Variants in SLC25A10 observed in about 807,000 individuals in gnomAD.
SLC25A10 encodes the protein mitochondrial dicarboxylate carrier.
In SLC25A10, 32 loss-of-function variants were observed where a neutral mutation model predicts 40.4. The ratio of observed to expected loss-of-function variants is 0.79; its 90% CI spans 0.60 to 1.06. SLC25A10 has a LOEUF of 1.06. SLC25A10 is among the 50% of genes least tolerant of loss of function. The pLI is 0.00. For missense variants in SLC25A10, 394 were observed against 402.6 expected (o/e 0.98, Z 0.18); for synonymous variants, 181 against 171.1 (o/e 1.06, Z -0.45).
chr17:81,713,568 G>C (rs2037424195), intron 1 of SLC25A10: 1 of 863,272 alleles, frequency 1.2e-6, no homozygotes, highest in Non-Finnish European at 1.4e-6. Context: ...GAGGCCTTCA[G>C]AGCTCCCAGG....
intron 1 of SLC25A10, among the ~76,000 whole-genome samples, chr17:81,712,987 G>T (rs965607157): frequency 2.0e-5 from 3 of 152,190 alleles, no homozygotes; most frequent in Non-Finnish European, 4.4e-5. Context: ...CCACCCAGGG[G>T]TGTTTAGCAC....
intron 9 of SLC25A10, 88 bp downstream of exon 9, chr17:81,717,949 C>A: frequency 1.0e-6 from 1 of 996,490 alleles, no homozygotes; most frequent in African/African-American, 1.6e-5. Flanking sequence ...CACTGGGGAC[C>A]CGGGGAAGGG....
intron 9 of SLC25A10, among the ~76,000 whole-genome samples, chr17:81,719,059 G>A (rs2037541348): frequency 6.7e-6 from 1 of 148,594 alleles, no homozygotes; most frequent in African/African-American, 2.5e-5. Context: ...AGCCTCCCAA[G>A]TAGCTGGGAT....
At chr17:81,719,933 CCCTTCGGGCT>C (rs1387496597) in intron 10 of SLC25A10, 33 bp from the exon 11 acceptor site, 1 of 1,613,480 alleles carries the variant, frequency 6.2e-7, no homozygotes, top group Admixed American at 1.7e-5. Context: ...GGGAGCGGGC[CCCTTCGGGCT>C]CTGTGTCTCT....
At chr17:81,713,146 C>T (rs535441178) in intron 1 of SLC25A10, 1 of 152,076 alleles carries the variant, frequency 6.6e-6, no homozygotes, top group African/African-American at 2.4e-5. Context: ...GCGTGTGGTC[C>T]TGGCCCTATG....
intron 9 of SLC25A10, 138 bp from the exon 10 acceptor site, chr17:81,719,693 G>T: frequency 9.8e-7 from 1 of 1,018,208 alleles, no homozygotes; most frequent in South Asian, 1.4e-5. Flanking sequence ...AGCAGCCGCC[G>T]CTCACACCCA....
Position 81,715,012 on chromosome 17 carries a change from G to A in SLC25A10, c.153G>A (p.Val51=), listed in dbSNP as rs372640352. ...KLRMTGMALR[V]VRTDGILALY... ...GCATGACGGGCATGGCGCTGCGGGT[G>A]GTGCGTACCGACGGCATCCTGGCAC... is the stretch of plus-strand genomic sequence containing the variant. The change falls in exon 2 of 11, where the codon GTG becomes GTA. Residue 51 remains valine (V), a synonymous_variant. Coordinates refer to ENST00000350690, the MANE Select transcript of SLC25A10 (RefSeq NM_012140.5). The A allele has an allele frequency of 6.3e-5, 102 of 1,609,982 alleles. No individual in the cohort carries two copies. Among genetic ancestry groups the A allele is most frequent in the Non-Finnish European group, 8.1e-5 (95 of 1,179,930 alleles).
intron 1 of SLC25A10, chr17:81,713,555 GGAGAGGCCTTCA>G: frequency 4.3e-6 from 4 of 941,004 alleles, no homozygotes; most frequent in Non-Finnish European, 5.1e-6. Flanking sequence ...ACTGGTCCTG[GGAGAGGCCTTCA>G]GAGCTCCCAG....
chr17:81,719,726 T>G, intron 9 of SLC25A10, 105 bp from the exon 10 acceptor site: 25 of 1,378,990 alleles, frequency 1.8e-5, no homozygotes, highest in South Asian at 2.4e-5. Flanking sequence ...CACCCCACAT[T>G]GAGAATGCCC....
chr17:81,713,521 G>T (rs1018693310), intron 1 of SLC25A10: 44 of 984,458 alleles, frequency 4.5e-5, no homozygotes, highest in Non-Finnish European at 4.9e-5. Flanking sequence ...GCAGATGTGG[G>T]CGTCTTGGGG....
rs2037402772 is a variant in SLC25A10 at position 81,712,527 on chromosome 17, C to G, written c.93+8C>G. ...CCGCTGGACCTGCTCAAGGTGAGGC[C>G]GGGGCCCGGGACGCGGGGCGGATGG... On this transcript the variant is annotated splice_region_variant and intron_variant, in intron 1 of 10. Transcript: ENST00000350690. 8.9e-6 allele frequency: 11 copies of G among 1,240,680 alleles called. No individual in the cohort carries two copies. The highest frequency in any genetic ancestry group is 1.1e-5 in the Non-Finnish European group (11 of 990,726). The allele number at this position is 1,240,680 out of a possible 1,614,324, so 76.9% of individuals were successfully genotyped here. A position where few individuals can be genotyped will look rare whatever the true frequency, so the allele number is the denominator to read the frequency against.
chr17:81,715,428 G>C, intron 2 of SLC25A10, 50 bp from the exon 3 acceptor site: 1 of 1,510,798 alleles, frequency 6.6e-7, no homozygotes, highest in South Asian at 1.1e-5. Flanking sequence ...TGGCGAGGCT[G>C]AGGGGTGTGG....
In SLC25A10 at chr17:81,717,078, C is replaced by A; in HGVS notation, c.534+6C>A. 1 of 1,613,412 alleles carries A rather than the reference C, an allele frequency of 6.2e-7. No homozygotes were observed. Among genetic ancestry groups the A allele is most frequent in the African/African-American group, 1.3e-5 (1 of 75,048 alleles). On this transcript the variant is annotated splice_donor_region_variant and intron_variant, in intron 7 of 10. Transcript: ENST00000350690. ...CCTTAGTCACTGTGGGCCAGGTAGG[C>A]CTCCTGCGTGGGGTGGGTGTGGGCA...
chr17:81,717,973 T>C, intron 9 of SLC25A10, 112 bp downstream of exon 9: 1 of 756,758 alleles, frequency 1.3e-6, no homozygotes, highest in Non-Finnish European at 2.3e-6. Context: ...CCCTCCCTTC[T>C]AGTTGCCTGT....
chr17:81,716,680 G>C, intron 5 of SLC25A10, 132 bp from the exon 6 acceptor site: 1 of 874,666 alleles, frequency 1.1e-6, no homozygotes, highest in Non-Finnish European at 1.8e-6. Context: ...CATGTTCCCA[G>C]GGAGAGATCT....
chr17:81,712,497 CG>C lies in SLC25A10; in HGVS notation c.72del (p.His25ThrfsTer16), dbSNP rs2037401948. ...GLASCGAACC[T>X]HPLDLLKVHL... Reference sequence around the variant, plus strand: ...GCCTCCTGCGGGGCCGCCTGCTGCACGCACCCGCTGGACCTGCTCAAGGTGA... The same window carrying C: ...GCCTCCTGCGGGGCCGCCTGCTGCACCACCCGCTGGACCTGCTCAAGGTGA... On this transcript the variant is annotated frameshift_variant, in exon 1 of 11. Coordinates refer to ENST00000350690, the MANE Select transcript of SLC25A10 (RefSeq NM_012140.5). LOFTEE classifies it high-confidence loss of function. 1 of 1,301,872 alleles carries C rather than the reference CG, an allele frequency of 7.7e-7. No individual in the cohort carries two copies. The highest frequency in any genetic ancestry group is 9.7e-7 in the Non-Finnish European group (1 of 1,027,488). The allele number at this position is 1,301,872 out of a possible 1,614,324, so 80.6% of individuals were successfully genotyped here. A position where few individuals can be genotyped will look rare whatever the true frequency, so the allele number is the denominator to read the frequency against.
chr17:81,713,474 G>A, intron 1 of SLC25A10: 1 of 985,456 alleles, frequency 1.0e-6, no homozygotes, highest in Non-Finnish European at 1.2e-6. Flanking sequence ...CTTTACTAAT[G>A]AGCAACAATG....
chr17:81,712,528 G>A lies in SLC25A10; in HGVS notation c.93+9G>A. The A allele has an allele frequency of 8.1e-7, 1 of 1,238,872 alleles. No individual in the cohort carries two copies. Among genetic ancestry groups the A allele is most frequent in the Non-Finnish European group, 1.0e-6 (1 of 989,326 alleles). 76.7% of individuals were successfully genotyped at this position (1,238,872 alleles called of 1,614,324 possible). A position where few individuals can be genotyped will look rare whatever the true frequency, so the allele number is the denominator to read the frequency against. On this transcript the variant is annotated intron_variant, in intron 1 of 10. Transcript: ENST00000350690. ...CGCTGGACCTGCTCAAGGTGAGGCC[G>A]GGGCCCGGGACGCGGGGCGGATGGG...
In SLC25A10 at chr17:81,714,836, G is replaced by T. The variant is rs547124265; in HGVS notation, c.94-117G>T. The T allele has an allele frequency of 9.5e-4, 1,343 of 1,406,332 alleles. 4 individuals are homozygous for T. Among genetic ancestry groups the T allele is most frequent in the Non-Finnish European group, 7.4e-4 (772 of 1,040,220 alleles). 87.1% of individuals were successfully genotyped at this position (1,406,332 alleles called of 1,614,324 possible). A position where few individuals can be genotyped will look rare whatever the true frequency, so the allele number is the denominator to read the frequency against. ...TTCCAGGCACGGGTGTGGAGTCCCCGGGCAGGGCCGTGGGAGGCCTTATCA... is the reference window on the plus strand; with the variant it reads ...TTCCAGGCACGGGTGTGGAGTCCCCTGGCAGGGCCGTGGGAGGCCTTATCA... On this transcript the variant is annotated intron_variant, in intron 1 of 10. Transcript: ENST00000350690.
Sources: gnomAD v4.1 joint callset for allele counts (sites outside exome capture counted in the v4.1 genomes callset) on GRCh38, gnomAD v4.1.1 for gene constraint, MANE v1.5 for transcripts, NCBI Gene and HGNC (gene_info 2026-07-23, HGNC 2026-07-21) for gene names.